The following ARFGEF2 variants were observed in gnomAD, a reference collection of about 807,000 sequenced individuals.
ARFGEF2 encodes ARF guanine nucleotide exchange factor 2.
ARFGEF2 carries 74 observed loss-of-function variants against 219.9 expected under a neutral mutation model. That is an observed-to-expected ratio of 0.34 (90% CI 0.28 to 0.41). The LOEUF (loss-of-function observed/expected upper bound fraction) is 0.41, where lower values mean the gene tolerates loss of function less well. Among genes scored for constraint, ARFGEF2 ranks in the 10% least tolerant of loss-of-function variants. ARFGEF2 has a pLI of 1.00. For synonymous variants in ARFGEF2, 733 were observed against 799.2 expected (o/e 0.92, Z 1.40); for missense variants, 1,743 against 2,218.3 (o/e 0.79, Z 4.30).
intron 25 of ARFGEF2, among the ~76,000 whole-genome samples, chr20:49,001,084 CAG>C (rs2091422325): frequency 1.9e-5 from 2 of 103,048 alleles, no homozygotes; most frequent in East Asian, 3.1e-4. Flanking sequence ...TTTTTTGAGA[CAG>C]AGTTTCGCAC....
At chr20:49,028,383 G>A in intron 36 of ARFGEF2, 147 bp from the exon 37 acceptor site, 1 of 859,846 alleles carries the variant, frequency 1.2e-6, no homozygotes. Flanking sequence ...TCATGCCACT[G>A]CACTCCAGCT....
At chr20:48,950,803 AAAAAAAAAATAT>A (rs1293442843) in intron 3 of ARFGEF2, among the ~76,000 whole-genome samples, 4 of 39,668 alleles carry the variant, frequency 1.0e-4, no homozygotes, top group African/African-American at 5.4e-4. Flanking sequence ...CTAAAAAAAA[AAAAAAAAAATAT>A]ATATATATAT....
chr20:48,945,520 A>G (rs1052580598), intron 3 of ARFGEF2, among the ~76,000 whole-genome samples: 7 of 152,128 alleles, frequency 4.6e-5, no homozygotes, highest in Admixed American at 3.3e-4. Flanking sequence ...CCTTGTTTCA[A>G]CCCACTGTGA....
Position 48,989,315 on chromosome 20 carries a change from T to C in ARFGEF2, c.2564T>C (p.Leu855Pro). Residue 855 changes from leucine to proline, a missense_variant, in exon 19 of 39, where the codon CTG (leucine) becomes CCG (proline). Leu to Pro is a moderately conservative substitution (Grantham distance 98, BLOSUM62 -3). Transcript: ENST00000371917. Reference sequence around the variant, plus strand: ...GCTAGTGAAAAGCAGCGGCGGCTGCTGTACAACTTAGAGATGGAGCAAATG... The same window carrying C: ...GCTAGTGAAAAGCAGCGGCGGCTGCCGTACAACTTAGAGATGGAGCAAATG... ...NVASEKQRRLLYNLEMEQMAK... is the reference protein window; with the variant it reads ...NVASEKQRRLPYNLEMEQMAK... 2.5e-6 allele frequency: 4 copies of C among 1,614,192 alleles called. No homozygotes were observed. The highest frequency in any genetic ancestry group is 3.4e-6 in the Non-Finnish European group (4 of 1,180,004).
intron 22 of ARFGEF2, among the ~76,000 whole-genome samples, 167 bp from the exon 23 acceptor site, chr20:48,995,616 A>G (rs1037767939): frequency 6.6e-6 from 1 of 152,230 alleles, no homozygotes; most frequent in African/African-American, 2.4e-5. Context: ...GCCCAATGCC[A>G]AAACAAAACT....
intron 1 of ARFGEF2, among the ~76,000 whole-genome samples, chr20:48,936,347 G>A (rs1390344381): frequency 6.6e-6 from 1 of 151,116 alleles, no homozygotes; most frequent in Non-Finnish European, 1.5e-5. Context: ...TGGGCGGGGG[G>A]CTGACCCCCC....
At chr20:48,947,899 T>C (rs544725410) in intron 3 of ARFGEF2, among the ~76,000 whole-genome samples, 73 of 152,232 alleles carry the variant, frequency 4.8e-4, no homozygotes, top group African/African-American at 1.6e-3. Flanking sequence ...TTGTAAAGCA[T>C]ACAAAAATAC....
intron 11 of ARFGEF2, 110 bp downstream of exon 11, chr20:48,972,535 A>G: frequency 1.1e-6 from 1 of 899,490 alleles, no homozygotes; most frequent in East Asian, 2.6e-5. Flanking sequence ...GATTGGCAAT[A>G]AAAGGCTAAT....
chr20:48,935,348 G>A (rs1010963578), intron 1 of ARFGEF2, among the ~76,000 whole-genome samples: 116 of 152,174 alleles, frequency 7.6e-4, no homozygotes, highest in African/African-American at 2.6e-3. Context: ...ATCTTGCACC[G>A]CCCTTAATCC....
chr20:48,953,279 A>G (rs2091083054), intron 5 of ARFGEF2, among the ~76,000 whole-genome samples: 1 of 151,050 alleles, frequency 6.6e-6, no homozygotes, highest in Non-Finnish European at 1.5e-5. Flanking sequence ...CAGCTCAAGC[A>G]ATCTTCCCAC....
At chr20:48,950,811 A>AAAATATATATATAT (rs1176537072) in intron 3 of ARFGEF2, among the ~76,000 whole-genome samples, 3 of 64,512 alleles carry the variant, frequency 4.7e-5, no homozygotes, top group Non-Finnish European at 7.8e-5. Context: ...AAAAAAAAAA[A>AAAATATATATATAT]ATATATATAT....
chr20:49,013,653 C>G lies in ARFGEF2; in HGVS notation c.4008C>G (p.Leu1336=). 4 of 1,614,168 alleles carry G rather than the reference C, an allele frequency of 2.5e-6. No individual in the cohort carries two copies. Among genetic ancestry groups the G allele is most frequent in the Non-Finnish European group, 3.4e-6 (4 of 1,180,030 alleles). ...VRGWFPILFE[L]SCIINRCKLD... is the part of the protein sequence containing the mutation. ...GCTGGTTCCCCATCTTATTCGAACT[C>G]TCCTGCATCATTAATAGATGCAAGT... The change falls in exon 29 of 39, where the codon CTC becomes CTG. Residue 1336 remains leucine (L), a synonymous_variant. Coordinates refer to ENST00000371917, the MANE Select transcript of ARFGEF2 (RefSeq NM_006420.3).
In ARFGEF2 at chr20:49,008,967, C is replaced by T. The variant is rs1051082927; in HGVS notation, c.3585-1265C>T. On this transcript the variant is annotated intron_variant, in intron 26 of 38. Transcript: ENST00000371917. ...AAGTGATCCACCTGCTTCGGCCTCC[C>T]GAAGTGCTGGGATTACAGGTGTGAA... Among the ~76,000 whole-genome samples the T allele has an allele frequency of 1.2e-4, 19 of 152,252 alleles. No homozygotes were observed. The East Asian group carries it at 2.9e-3, about 23-fold the overall frequency.
At chr20:48,988,423 CTAAAT>C in intron 17 of ARFGEF2, 35 bp downstream of exon 17, 1 of 1,610,372 alleles carries the variant, frequency 6.2e-7, no homozygotes, top group Non-Finnish European at 8.5e-7. Flanking sequence ...GTTGTATTAG[CTAAAT>C]AAGTGGCTTT....
At chr20:48,966,783 A>G (rs1052117992) in intron 8 of ARFGEF2, among the ~76,000 whole-genome samples, 4 of 152,294 alleles carry the variant, frequency 2.6e-5, no homozygotes, top group Middle Eastern at 3.4e-3. Flanking sequence ...AATGCCAGCA[A>G]TAAACTGGAT....
chr20:49,011,926 A>G lies in ARFGEF2; in HGVS notation c.3760A>G (p.Thr1254Ala). The G allele has an allele frequency of 1.2e-6, 2 of 1,614,164 alleles. No individual in the cohort carries two copies. The highest frequency in any genetic ancestry group is 1.7e-6 in the Non-Finnish European group (2 of 1,180,030). Reference protein sequence around the residue: ...AFQTTCHIVTTIFQHHFPAAI... With the variant: ...AFQTTCHIVTAIFQHHFPAAI... Reference sequence around the variant, plus strand: ...AAATGTGCCTTGTGTTCCCCCAGCAACTATTTTCCAGCACCATTTTCCTGC... The same window carrying G: ...AAATGTGCCTTGTGTTCCCCCAGCAGCTATTTTCCAGCACCATTTTCCTGC... The change falls in exon 28 of 39, where the codon ACT becomes GCT. Residue 1254 changes from threonine (T) to alanine (A), a missense_variant and splice_region_variant. Physicochemically the swap from Thr to Ala is moderately conservative, Grantham distance 58. Around this residue, in one of 5 missense-constraint regions of ARFGEF2, gnomAD observed 578 missense variants for 664.0 expected, o/e 0.87. Coordinates refer to ENST00000371917, the MANE Select transcript of ARFGEF2 (RefSeq NM_006420.3).
At chr20:48,951,177 CA>C (rs2091068642) in intron 3 of ARFGEF2, 145 bp from the exon 4 acceptor site, 2 of 927,634 alleles carry the variant, frequency 2.2e-6, no homozygotes, top group Non-Finnish European at 3.4e-6. Context: ...GTTGCAGTCA[CA>C]GAGTGGTTAT....
At chr20:48,960,145 C>T (rs189800691) in intron 6 of ARFGEF2, among the ~76,000 whole-genome samples, 1 of 152,156 alleles carries the variant, frequency 6.6e-6, no homozygotes, top group Non-Finnish European at 1.5e-5. Flanking sequence ...GTATAGCCTA[C>T]TACATACCAT....
chr20:48,937,553 A>G (rs2090966674), intron 1 of ARFGEF2, among the ~76,000 whole-genome samples: 1 of 151,824 alleles, frequency 6.6e-6, no homozygotes, highest in South Asian at 2.1e-4. Flanking sequence ...TGGCCTCAAG[A>G]TTTTTTTTTC....
Sources: allele counts gnomAD v4.1 joint callset (sites outside exome capture counted in the v4.1 genomes callset), GRCh38; gene constraint gnomAD v4.1.1; regional missense constraint gnomAD v4.1.1; transcripts MANE v1.5; gene names NCBI Gene and HGNC (gene_info 2026-07-23, HGNC 2026-07-21).